The following KIF6 variants were observed in gnomAD, a reference collection of about 807,000 sequenced individuals.
KIF6 encodes the protein kinesin-like protein KIF6.
Under a neutral mutation model 112.7 loss-of-function variants are expected in KIF6, and 106 were observed. The ratio of observed to expected loss-of-function variants is 0.94; its 90% CI spans 0.80 to 1.11. The LOEUF is 1.11. Ranked by LOEUF, KIF6 falls within the 50% of genes least tolerant of loss-of-function variation. The pLI is 0.00. For missense variants in KIF6, 929 were observed against 964.0 expected, an observed-to-expected ratio of 0.96 and a Z score of 0.48; for synonymous variants, 339 against 339.9, an observed-to-expected ratio of 1.00 and a Z score of 0.03.
At position 39,362,408 on chromosome 6, in the gene KIF6, CTG is replaced by C. The variant is rs560886806; in HGVS notation, c.1946+24_1946+25del. 1.3e-4 allele frequency: 209 copies of C among 1,581,756 alleles called. 1 individual carries two copies. The African/African-American group carries it at 2.4e-3, about 18-fold the overall frequency. The stretch of plus-strand genomic sequence containing the variant: ...GAGACCCTGGGAGGCTGGGCTCGGA[CTG>C]TGTGTGGCTAAAAGGAAGGGCACCT... On this transcript the variant is annotated intron_variant, in intron 17 of 22. Transcript: ENST00000287152.
chr6:39,584,862 A>G, intron 9 of KIF6, 36 bp downstream of exon 9: 1 of 1,287,596 alleles, frequency 7.8e-7, no homozygotes, highest in Non-Finnish European at 1.1e-6. Context: ...GATATACTTT[A>G]ATATATTTTT....
chr6:39,709,448 T>C (rs1196470443), intron 3 of KIF6, among the ~76,000 whole-genome samples: 1 of 152,208 alleles, frequency 6.6e-6, no homozygotes, highest in Non-Finnish European at 1.5e-5. Flanking sequence ...GCAGCTGATC[T>C]GACAGGAGGT....
chr6:39,561,357 AT>A (rs34960051), intron 10 of KIF6, among the ~76,000 whole-genome samples: 9,574 of 147,422 alleles, frequency 0.065, 535 homozygotes, highest in African/African-American at 0.15. Flanking sequence ...AACTCAAACC[AT>A]TTTTTTTTTT....
At chr6:39,393,046 C>T (rs1319389805) in intron 15 of KIF6, among the ~76,000 whole-genome samples, 1 of 152,192 alleles carries the variant, frequency 6.6e-6, no homozygotes, top group Non-Finnish European at 1.5e-5. Flanking sequence ...AGGGGACCTG[C>T]AAAGGAGGAA....
intron 13 of KIF6, among the ~76,000 whole-genome samples, chr6:39,511,327 A>G (rs1776767378): frequency 6.6e-6 from 1 of 152,256 alleles, no homozygotes; most frequent in Non-Finnish European, 1.5e-5. Flanking sequence ...TGCAGCCAAC[A>G]GACATATGTA....
At chr6:39,337,287 T>TCTTC (rs546799232) in intron 22 of KIF6, among the ~76,000 whole-genome samples, 1,392 of 116,376 alleles carry the variant, frequency 0.012, 33 homozygotes, top group Non-Finnish European at 0.017. Flanking sequence ...TCCCTTCCCC[T>TCTTC]CTTCCTTCCT....
intron 10 of KIF6, among the ~76,000 whole-genome samples, chr6:39,556,929 G>C (rs893375569): frequency 2.0e-5 from 3 of 152,046 alleles, no homozygotes; most frequent in South Asian, 4.1e-4. Context: ...GTTCTGTCTT[G>C]TATGAAATTA....
At chr6:39,445,897 G>A (rs1772279355) in intron 13 of KIF6, among the ~76,000 whole-genome samples, 1 of 152,242 alleles carries the variant, frequency 6.6e-6, no homozygotes, top group African/African-American at 2.4e-5. Flanking sequence ...TCAAGCTCAA[G>A]TGGCCACTGG....
chr6:39,649,749 GAAA>G (rs377257256), intron 3 of KIF6, among the ~76,000 whole-genome samples: 26,875 of 150,618 alleles, frequency 0.18, 3,103 homozygotes, highest in South Asian at 0.3. Context: ...AAGAAAGAAA[GAAA>G]GAAAGAAAGA....
At chr6:39,617,782 T>A (rs1189576748) in intron 5 of KIF6, 4 of 454,194 alleles carry the variant, frequency 8.8e-6, no homozygotes, top group Non-Finnish European at 1.8e-5. Context: ...CCTAGAGCAA[T>A]GTCAAGAGCA....
At chr6:39,471,889 T>C (rs1367137744) in intron 13 of KIF6, among the ~76,000 whole-genome samples, 1 of 152,182 alleles carries the variant, frequency 6.6e-6, no homozygotes, top group Non-Finnish European at 1.5e-5. Context: ...ACATGTCCCT[T>C]ACTTCTTCCA....
chr6:39,600,024 TC>T (rs1176121725), intron 6 of KIF6, among the ~76,000 whole-genome samples: 7 of 152,200 alleles, frequency 4.6e-5, no homozygotes. Flanking sequence ...GATAAAAATT[TC>T]TTAAACCTCA....
chr6:39,616,655 T>C (rs1178936064), intron 5 of KIF6, among the ~76,000 whole-genome samples: 1 of 152,184 alleles, frequency 6.6e-6, no homozygotes, highest in Non-Finnish European at 1.5e-5. Context: ...GACTTTCCCA[T>C]ACTGCCCCGC....
intron 5 of KIF6, among the ~76,000 whole-genome samples, chr6:39,620,755 TTTA>T (rs1783770855): frequency 1.1e-5 from 1 of 93,548 alleles, no homozygotes; most frequent in African/African-American, 6.0e-5. Flanking sequence ...CAACATTTTA[TTTA>T]TTTATTTATT....
chr6:39,367,127 A>G (rs547299599), intron 16 of KIF6, among the ~76,000 whole-genome samples: 13 of 152,284 alleles, frequency 8.5e-5, no homozygotes, highest in African/African-American at 2.9e-4. Flanking sequence ...GGTGAAATGC[A>G]TTGCAGCCTC....
intron 13 of KIF6, among the ~76,000 whole-genome samples, chr6:39,520,382 C>G (rs922118114): frequency 3.3e-5 from 5 of 152,196 alleles, no homozygotes; most frequent in African/African-American, 1.2e-4. Flanking sequence ...GCAGCTCCAA[C>G]CAAAGCACAT....
intron 3 of KIF6, among the ~76,000 whole-genome samples, chr6:39,660,491 A>G (rs556166627): frequency 5.1e-4 from 78 of 152,170 alleles, no homozygotes; most frequent in Non-Finnish European, 8.7e-4. Flanking sequence ...GAGGTTTTGA[A>G]GTTATAGCTT....
chr6:39,439,713 A>G (rs1382525306), intron 13 of KIF6, among the ~76,000 whole-genome samples: 3 of 152,052 alleles, frequency 2.0e-5, no homozygotes, highest in Admixed American at 2.0e-4. Flanking sequence ...TTTTTTTTCA[A>G]CCTGAAATTC....
At chr6:39,380,000 C>G (rs987598134) in intron 16 of KIF6, among the ~76,000 whole-genome samples, 3 of 152,214 alleles carry the variant, frequency 2.0e-5, no homozygotes, top group Non-Finnish European at 4.4e-5. Context: ...TAGTAACATG[C>G]CTGGCACATG....
Sources: allele counts gnomAD v4.1 joint callset (sites outside exome capture counted in the v4.1 genomes callset), GRCh38; gene constraint gnomAD v4.1.1; transcripts MANE v1.5; gene names NCBI Gene and HGNC (gene_info 2026-07-23, HGNC 2026-07-21).